The following SYNCRIP variants were observed in gnomAD, a reference collection of about 807,000 sequenced individuals.
SYNCRIP encodes the protein synaptotagmin binding cytoplasmic RNA interacting protein.
In SYNCRIP, 9 loss-of-function variants were observed where a neutral mutation model predicts 68.9. That is an observed-to-expected ratio of 0.13 (90% CI 0.08 to 0.23). The LOEUF (loss-of-function observed/expected upper bound fraction) is 0.23, where lower values mean the gene tolerates loss of function less well. Ranked by LOEUF, SYNCRIP falls within the 10% of genes least tolerant of loss-of-function variation. SYNCRIP has a pLI of 1.00. For synonymous variants in SYNCRIP, 258 were observed against 254.0 expected, an observed-to-expected ratio of 1.02 and a Z score of -0.15; for missense variants, 414 against 770.6, an observed-to-expected ratio of 0.54 and a Z score of 5.48.
intron 1 of SYNCRIP, among the ~76,000 whole-genome samples, 159 bp downstream of exon 1, chr6:85,642,638 G>A (rs1027998021): frequency 2.6e-5 from 4 of 152,230 alleles, no homozygotes; most frequent in African/African-American, 7.2e-5. Context: ...TGGCGGCGCG[G>A]GCCGCGGCCT....
chr6:85,632,769 C>CCA (rs1314742766), intron 6 of SYNCRIP, among the ~76,000 whole-genome samples: 5 of 151,802 alleles, frequency 3.3e-5, no homozygotes. Context: ...TAGTGAGACA[C>CCA]CACCTCTACA....
chr6:85,624,137 G>GT (rs1806768400), intron 6 of SYNCRIP, 25 bp from the exon 7 acceptor site: 1 of 1,601,582 alleles, frequency 6.2e-7, no homozygotes, highest in East Asian at 2.2e-5. Context: ...AGTGCATCAT[G>GT]TTTTTAAATT....
intron 4 of SYNCRIP, among the ~76,000 whole-genome samples, chr6:85,638,380 C>CAAAAAAAAAAAAAAAA (rs71003001): frequency 1.9e-4 from 8 of 42,852 alleles, no homozygotes; most frequent in Admixed American, 4.1e-4. Flanking sequence ...GACCCCATCT[C>CAAAAAAAAAAAAAAAA]AAAAAAAAAA....
chr6:85,640,028 A>AT (rs1237249917), intron 4 of SYNCRIP, among the ~76,000 whole-genome samples, 193 bp downstream of exon 4: 1 of 152,258 alleles, frequency 6.6e-6, no homozygotes, highest in Non-Finnish European at 1.5e-5. Flanking sequence ...CAGTAGCTGG[A>AT]TAACATGATA....
In SYNCRIP at chr6:85,614,581, A is replaced by T. The variant is rs753134642; in HGVS notation, c.*175T>A. Reference sequence around the variant, plus strand: ...ATTGAAAAAAATTAAAAATAAAATCAGTTCGCCAGAAGCAGTTAGAAGTGT... The same window carrying T: ...ATTGAAAAAAATTAAAAATAAAATCTGTTCGCCAGAAGCAGTTAGAAGTGT... On this transcript the variant is annotated 3_prime_UTR_variant, in exon 11 of 11. Transcript: ENST00000369622. 1.3e-5 allele frequency: 17 copies of T among 1,288,476 alleles called. No homozygotes were observed. The highest frequency in any genetic ancestry group is 1.7e-5 in the Non-Finnish European group (17 of 1,020,154). The allele number at this position is 1,288,476 out of a possible 1,614,324, so 79.8% of individuals were successfully genotyped here. A position where few individuals can be genotyped will look rare whatever the true frequency, so the allele number is the denominator to read the frequency against.
chr6:85,625,830 T>C (rs905295465), intron 6 of SYNCRIP, among the ~76,000 whole-genome samples: 1 of 152,140 alleles, frequency 6.6e-6, no homozygotes, highest in Non-Finnish European at 1.5e-5. Flanking sequence ...GTCAACAAAA[T>C]ACTCCTCCAT....
intron 6 of SYNCRIP, among the ~76,000 whole-genome samples, chr6:85,627,342 A>G (rs999384066): frequency 2.6e-5 from 4 of 152,088 alleles, no homozygotes; most frequent in Non-Finnish European, 5.9e-5. Context: ...TCTCCAATGA[A>G]AATAAGTCAT....
chr6:85,636,874 A>C (rs1808519607), intron 6 of SYNCRIP, 93 bp downstream of exon 6: 3 of 1,305,792 alleles, frequency 2.3e-6, no homozygotes, highest in Admixed American at 2.5e-5. Context: ...GTACTTCAAA[A>C]AATGTTTGGT....
chr6:85,611,823 G>A (rs1404030828), downstream of SYNCRIP: 1 of 152,554 alleles, frequency 6.6e-6, no homozygotes, highest in Non-Finnish European at 1.5e-5. Flanking sequence ...TACCTAAAAA[G>A]CTAAACTACA....
intron 10 of SYNCRIP, among the ~76,000 whole-genome samples, chr6:85,618,566 G>C (rs950332370): frequency 1.3e-5 from 2 of 151,828 alleles, no homozygotes; most frequent in Admixed American, 1.3e-4. Flanking sequence ...AAAAAAGCTA[G>C]ACAGATTTTT....
intron 6 of SYNCRIP, among the ~76,000 whole-genome samples, chr6:85,633,639 T>C (rs949007394): frequency 2.4e-4 from 36 of 152,290 alleles, no homozygotes; most frequent in African/African-American, 8.7e-4. Context: ...GTATGACCAA[T>C]ATATCCTACT....
At chr6:85,622,268 G>T (rs1806504019) in intron 8 of SYNCRIP, among the ~76,000 whole-genome samples, 2 of 152,020 alleles carry the variant, frequency 1.3e-5, no homozygotes, top group African/African-American at 4.8e-5. Flanking sequence ...CCAGCTACTT[G>T]GGAGGCAGGA....
chr6:85,636,912 C>T, intron 6 of SYNCRIP, 55 bp downstream of exon 6: 1 of 1,507,384 alleles, frequency 6.6e-7, no homozygotes, highest in Middle Eastern at 1.8e-4. Context: ...AAGAAAAAAA[C>T]TTGATATTAA....
chr6:85,643,507 C>G (rs1456420375), upstream of SYNCRIP, among the ~76,000 whole-genome samples: 1 of 151,988 alleles, frequency 6.6e-6, no homozygotes. Context: ...CCCTTCCCCT[C>G]CCGACACTCC....
At chr6:85,631,117 CA>C (rs1316096246) in intron 6 of SYNCRIP, among the ~76,000 whole-genome samples, 1 of 152,042 alleles carries the variant, frequency 6.6e-6, no homozygotes, top group Non-Finnish European at 1.5e-5. Flanking sequence ...CTGAGGCGGG[CA>C]AATCACTTGG....
At chr6:85,625,512 C>T (rs1013714391) in intron 6 of SYNCRIP, among the ~76,000 whole-genome samples, 8 of 151,940 alleles carry the variant, frequency 5.3e-5, no homozygotes, top group Admixed American at 2.6e-4. Flanking sequence ...CTCTACCTCC[C>T]GAGTAGCTGT....
rs762127032 is a variant in SYNCRIP, at chr6:85,640,269, C to T, written c.327G>A (p.Gly109=). The T allele has an allele frequency of 6.2e-7, 1 of 1,613,814 alleles. No homozygotes were observed. Among genetic ancestry groups the T allele is most frequent in the South Asian group, 1.1e-5 (1 of 91,068 alleles). The change falls in exon 4 of 11, where the codon GGG becomes GGA. Residue 109 remains glycine, a synonymous_variant. Transcript: ENST00000369622. ...CTTTACTAGAATCTGCTACTTTGGT[C>T]CCTTGTTTTTCTCTCTGCCTGTAAG... ...MKTYRQREKQ[G]TKVADSSKGP...
intron 4 of SYNCRIP, among the ~76,000 whole-genome samples, chr6:85,639,210 A>C (rs553955949): frequency 6.6e-6 from 1 of 152,082 alleles, no homozygotes; most frequent in Non-Finnish European, 1.5e-5. Context: ...TCTGTCTCCC[A>C]AAAACAAACA....
chr6:85,614,724 C>CA lies in SYNCRIP; in HGVS notation c.*31dup. The CA allele has an allele frequency of 6.5e-7, 1 of 1,539,844 alleles. No homozygotes were observed. The highest frequency in any genetic ancestry group is 8.7e-7 in the Non-Finnish European group (1 of 1,147,092). On this transcript the variant is annotated 3_prime_UTR_variant, in exon 11 of 11. Coordinates refer to ENST00000369622, the MANE Select transcript of SYNCRIP (RefSeq NM_006372.5). ...TAGGGTGAGTTTCTGATCAACCTAT[C>CA]AGTCTCCAATTTTACAGAGGCCCTA... is the stretch of plus-strand genomic sequence containing the variant.
Sources: gnomAD v4.1 joint callset for allele counts (sites outside exome capture counted in the v4.1 genomes callset) on GRCh38, gnomAD v4.1.1 for gene constraint, MANE v1.5 for transcripts, NCBI Gene and HGNC (gene_info 2026-07-23, HGNC 2026-07-21) for gene names.